The following TP63 variants were observed in gnomAD, a reference collection of about 807,000 sequenced individuals.
TP63 encodes tumor protein p63.
TP63 carries 17 observed loss-of-function variants against 82.8 expected under a neutral mutation model. The observed-to-expected ratio is 0.21, with a 90% CI of 0.14 to 0.31. The LOEUF (loss-of-function observed/expected upper bound fraction) is 0.31. Among genes scored for constraint, TP63 ranks in the 10% least tolerant of loss-of-function variants. The pLI is 1.00. For synonymous variants in TP63, 330 were observed against 321.7 expected, an observed-to-expected ratio of 1.03 and a Z score of -0.28; for missense variants, 648 against 895.3, an observed-to-expected ratio of 0.72 and a Z score of 3.52.
At chr3:189,705,549 T>C (rs548698257) in intron 1 of TP63, among the ~76,000 whole-genome samples, 95 of 152,276 alleles carry the variant, frequency 6.2e-4, no homozygotes, top group Non-Finnish European at 1.0e-3. Flanking sequence ...CTGAAGTTGC[T>C]CCTGAGTGCG....
intron 3 of TP63, among the ~76,000 whole-genome samples, chr3:189,764,944 A>G (rs1231068558): frequency 6.6e-6 from 1 of 152,164 alleles, no homozygotes; most frequent in Non-Finnish European, 1.5e-5. Flanking sequence ...TTAGAACTAG[A>G]TGGCTTATAA....
chr3:189,714,409 C>T (rs748578533), intron 1 of TP63, among the ~76,000 whole-genome samples: 7 of 151,988 alleles, frequency 4.6e-5, no homozygotes, highest in African/African-American at 7.3e-5. Context: ...AGAATATAAC[C>T]GAGAATAATA....
chr3:189,779,736 G>A (rs1269754619), intron 3 of TP63, among the ~76,000 whole-genome samples: 9 of 152,110 alleles, frequency 5.9e-5, no homozygotes, highest in East Asian at 5.8e-4. Context: ...TGAGTATGAC[G>A]TTTAACCCCT....
At chr3:189,642,481 A>T (rs1445648583) in intron 1 of TP63, among the ~76,000 whole-genome samples, 1 of 152,166 alleles carries the variant, frequency 6.6e-6, no homozygotes, top group Non-Finnish European at 1.5e-5. Context: ...TCGGGGGCCA[A>T]TGCGCATAGG....
chr3:189,622,694 A>T, the TP63 span, among the ~76,000 whole-genome samples: 1 of 152,146 alleles, frequency 6.6e-6, no homozygotes, highest in Non-Finnish European at 1.5e-5. Context: ...GAGTGGATGA[A>T]TTGGGTTTGG....
At chr3:189,828,048 C>G (rs73057235) in intron 4 of TP63, among the ~76,000 whole-genome samples, 348 of 152,206 alleles carry the variant, frequency 2.3e-3, no homozygotes, top group African/African-American at 7.7e-3. Context: ...CAAGACCAGC[C>G]TGGCTGATAT....
chr3:189,666,996 A>T (rs78897492), intron 1 of TP63, among the ~76,000 whole-genome samples: 221 of 151,042 alleles, frequency 1.5e-3, no homozygotes, highest in Middle Eastern at 0.01. Context: ...CAGGCCTTGA[A>T]CAAAAGACAG....
In TP63 at chr3:189,714,781, C is replaced by T. The variant is rs1027036619; in HGVS notation, c.63-22959C>T. Among the ~76,000 whole-genome samples, 3 of 152,050 alleles carry T rather than the reference C, an allele frequency of 2.0e-5. No individual in the cohort carries two copies. In the South Asian group the frequency reaches 6.2e-4, roughly 32 times the overall value. On this transcript the variant is annotated intron_variant, in intron 1 of 13. Coordinates refer to ENST00000264731, the MANE Select transcript of TP63 (RefSeq NM_003722.5). ...GCTTCTCAGAGTTAGAGTCATTGAA[C>T]GTAAACACACACAGACATACATGTA...
chr3:189,662,097 T>C (rs79402517), intron 1 of TP63, among the ~76,000 whole-genome samples: 3,925 of 152,118 alleles, frequency 0.026, 169 homozygotes, highest in African/African-American at 0.09. Context: ...ATTTCTTTTC[T>C]TGTGCTAATT....
intron 1 of TP63, among the ~76,000 whole-genome samples, chr3:189,655,158 G>A (rs530590454): frequency 1.3e-5 from 2 of 152,284 alleles, no homozygotes; most frequent in African/African-American, 2.4e-5. Flanking sequence ...TGAAAATTGA[G>A]ATCTCTGCTT....
At chr3:189,712,975 G>A (rs568164022) in intron 1 of TP63, among the ~76,000 whole-genome samples, 7 of 152,142 alleles carry the variant, frequency 4.6e-5, no homozygotes, top group African/African-American at 1.7e-4. Flanking sequence ...TTGGACTTAG[G>A]GGTGCTGGGA....
upstream of TP63, among the ~76,000 whole-genome samples, chr3:189,628,706 GATATAATTC>G (rs1365592410): frequency 2.6e-5 from 4 of 152,086 alleles, no homozygotes; most frequent in East Asian, 7.7e-4. Context: ...GCACATCAAA[GATATAATTC>G]ATGCATTTGT....
chr3:189,616,398 C>T, the TP63 span, among the ~76,000 whole-genome samples: 2 of 152,190 alleles, frequency 1.3e-5, no homozygotes, highest in African/African-American at 2.4e-5. Context: ...CTTTCTAACA[C>T]CCTCTTATTG....
intron 4 of TP63, among the ~76,000 whole-genome samples, chr3:189,839,040 T>TAAAAAAAAAAAAAAAA (rs5855274): frequency 2.3e-5 from 2 of 88,604 alleles, no homozygotes; most frequent in Non-Finnish European, 4.2e-5. Context: ...TATCCTAAGC[T>TAAAAAAAAAAAAAAAA]AAAAAAAAAA....
At chr3:189,886,592 G>GGCTA (rs1720471028) in intron 11 of TP63, 41 bp downstream of exon 11, 1 of 1,611,380 alleles carries the variant, frequency 6.2e-7, no homozygotes, top group South Asian at 1.1e-5. Context: ...AGGATGAACA[G>GGCTA]GCTAGCTTAG....
chr3:189,691,544 T>A lies in TP63; in HGVS notation c.63-46196T>A, dbSNP rs552893065. ...TTAGATGCCAATATGACACTTCTGC[T>A]TCCCAAGCTGTGTCAACCACATATG... On this transcript the variant is annotated intron_variant, in intron 1 of 13. Transcript: ENST00000264731. Among the ~76,000 whole-genome samples the A allele has an allele frequency of 6.8e-4, 104 of 152,248 alleles. No individual in the cohort carries two copies. The South Asian group carries it at 7.5e-3, about 11-fold the overall frequency.
chr3:189,754,073 A>G (rs1722010148), intron 3 of TP63, among the ~76,000 whole-genome samples: 1 of 152,138 alleles, frequency 6.6e-6, no homozygotes, highest in Admixed American at 6.6e-5. Context: ...TTTATTGACT[A>G]TAATATTTAT....
intron 1 of TP63, among the ~76,000 whole-genome samples, chr3:189,694,253 A>C (rs900601282): frequency 2.3e-4 from 35 of 152,334 alleles, no homozygotes; most frequent in African/African-American, 8.4e-4. Context: ...ACCCACACCC[A>C]GTTTTTCCTA....
chr3:189,629,373 A>G (rs1351038154), upstream of TP63, among the ~76,000 whole-genome samples: 2 of 152,152 alleles, frequency 1.3e-5, no homozygotes, highest in East Asian at 3.9e-4. Flanking sequence ...ACAGTGCAAG[A>G]AGCTGTCTCA....
Sources: gnomAD v4.1 joint callset for allele counts (sites outside exome capture counted in the v4.1 genomes callset) on GRCh38, gnomAD v4.1.1 for gene constraint, MANE v1.5 for transcripts, NCBI Gene and HGNC (gene_info 2026-07-23, HGNC 2026-07-21) for gene names.